C11orf54: variants seen among roughly 807,000 people sequenced by gnomAD.
C11orf54 encodes beta-keto-L-gulonate decarboxylase, also known as beta-keto L-gulonate decarboxylase.
In C11orf54, 29 loss-of-function variants were observed where a neutral mutation model predicts 35.5. The observed-to-expected ratio is 0.82, with a 90% CI of 0.61 to 1.11. The LOEUF (loss-of-function observed/expected upper bound fraction) is 1.11, where lower values mean the gene tolerates loss of function less well. Ranked by LOEUF, C11orf54 falls within the 50% of genes most tolerant of loss-of-function variation. The probability of loss-of-function intolerance (pLI) is 0.00; values close to 1 mark genes in which losing one functional copy is unlikely to be tolerated. For missense variants in C11orf54, 373 were observed against 369.2 expected (o/e 1.01, Z -0.08); for synonymous variants, 108 against 121.1 (o/e 0.89, Z 0.71).
At chr11:93,757,637 C>G (rs942169063) in intron 7 of C11orf54, among the ~76,000 whole-genome samples, 172 bp downstream of exon 7, 6 of 151,946 alleles carry the variant, frequency 3.9e-5, no homozygotes, top group African/African-American at 1.2e-4. Flanking sequence ...TCAAGGGGTT[C>G]TCCTGCCTCA....
At chr11:93,758,156 G>A (rs1943251508) in intron 7 of C11orf54, among the ~76,000 whole-genome samples, 1 of 152,182 alleles carries the variant, frequency 6.6e-6, no homozygotes, top group South Asian at 2.1e-4. Flanking sequence ...AGGCTCTCTG[G>A]AGCGGCTGCA....
At chr11:93,743,176 C>G (rs1190731108) in intron 1 of C11orf54, among the ~76,000 whole-genome samples, 1 of 151,750 alleles carries the variant, frequency 6.6e-6, no homozygotes, top group Non-Finnish European at 1.5e-5. Flanking sequence ...AATTTTTGTA[C>G]TTTTAGTAGA....
chr11:93,747,305 C>A lies in C11orf54; in HGVS notation c.-89C>A. The A allele has an allele frequency of 2.1e-6, 2 of 954,442 alleles. No individual in the cohort carries two copies. The highest frequency in any genetic ancestry group is 3.1e-6 in the Non-Finnish European group (2 of 648,966). 59.1% of individuals were successfully genotyped at this position (954,442 alleles called of 1,614,324 possible). On this transcript the variant is annotated 5_prime_UTR_variant, in exon 2 of 9. The change creates a new upstream start codon in the 5' untranslated region. Coordinates refer to ENST00000354421, the MANE Select transcript of C11orf54 (RefSeq NM_001286069.2). ...TCAATGTTCATTTCCAGAACAGAAACTGTTCATACTTGGTGCGCTGTGGAC... is the reference window on the plus strand; with the variant it reads ...TCAATGTTCATTTCCAGAACAGAAAATGTTCATACTTGGTGCGCTGTGGAC...
chr11:93,755,393 G>A lies in C11orf54; in HGVS notation c.507+7G>A, dbSNP rs367758301. The A allele has an allele frequency of 1.2e-6, 2 of 1,612,030 alleles. No individual in the cohort carries two copies. The highest frequency in any genetic ancestry group is 1.7e-6 in the Non-Finnish European group (2 of 1,178,384). ...TGAAGGCCAACCTGGCAAGGTGATT[G>A]TGTCCATAAAAATACAATATTCCCT... is the stretch of plus-strand genomic sequence containing the variant. On this transcript the variant is annotated splice_region_variant and intron_variant, in intron 6 of 8. Coordinates refer to ENST00000354421, the MANE Select transcript of C11orf54 (RefSeq NM_001286069.2).
At chr11:93,750,546 A>G in intron 3 of C11orf54, 102 bp downstream of exon 3, 1 of 922,272 alleles carries the variant, frequency 1.1e-6, no homozygotes, top group Non-Finnish European at 1.7e-6. Flanking sequence ...AATAAAGGAT[A>G]TTGTCACAAC....
At chr11:93,760,743 C>T (rs1053454556) in intron 8 of C11orf54, among the ~76,000 whole-genome samples, 1 of 152,092 alleles carries the variant, frequency 6.6e-6, no homozygotes, top group Non-Finnish European at 1.5e-5. Context: ...ACTGCAACCT[C>T]CGCCTCTTGG....
intron 1 of C11orf54, among the ~76,000 whole-genome samples, chr11:93,744,612 G>T (rs1211152461): frequency 6.6e-6 from 1 of 152,200 alleles, no homozygotes; most frequent in Non-Finnish European, 1.5e-5. Context: ...TTATTTGTAT[G>T]TAATATTTGT....
At chr11:93,743,216 G>A (rs939003722) in intron 1 of C11orf54, among the ~76,000 whole-genome samples, 2 of 152,106 alleles carry the variant, frequency 1.3e-5, no homozygotes, top group African/African-American at 4.8e-5. Flanking sequence ...GGCCAGGCAG[G>A]TCTCGAACTC....
chr11:93,742,181 C>G (rs950949899), intron 1 of C11orf54: 2 of 152,912 alleles, frequency 1.3e-5, no homozygotes, highest in Non-Finnish European at 2.9e-5. Context: ...AAGTTTCCTC[C>G]TACATCCCCC....
intron 8 of C11orf54, 71 bp downstream of exon 8, chr11:93,759,929 C>T: frequency 1.1e-6 from 1 of 941,416 alleles, no homozygotes; most frequent in Non-Finnish European, 1.6e-6. Flanking sequence ...TCTTTAAGAA[C>T]TAGGCACTTT....
rs550272452 is a variant in C11orf54, at chr11:93,761,725, G to A, written c.*37G>A. The stretch of plus-strand genomic sequence containing the variant: ...CTTATTTAGAAAAAGAAATAATTAA[G>A]GTTAATTAATTGATTGACTTATTAA... On this transcript the variant is annotated 3_prime_UTR_variant, in exon 9 of 9. Coordinates refer to ENST00000354421, the MANE Select transcript of C11orf54 (RefSeq NM_001286069.2). 5.4e-5 allele frequency: 81 copies of A among 1,511,942 alleles called. 1 individual carries two copies. In the South Asian group the frequency reaches 9.1e-4, roughly 17 times the overall value. 93.7% of individuals were successfully genotyped at this position (1,511,942 alleles called of 1,614,324 possible). A position where few individuals can be genotyped will look rare whatever the true frequency, so the allele number is the denominator to read the frequency against.
chr11:93,749,517 A>AAC (rs1355231734), intron 2 of C11orf54, among the ~76,000 whole-genome samples: 1 of 151,252 alleles, frequency 6.6e-6, no homozygotes. Flanking sequence ...AAAAAAAAAA[A>AAC]AAAAAAAAAA....
intron 6 of C11orf54, among the ~76,000 whole-genome samples, chr11:93,756,524 A>T (rs2135653482): frequency 6.6e-6 from 1 of 151,714 alleles, no homozygotes; most frequent in Middle Eastern, 3.4e-3. Context: ...AGTAAGCAAG[A>T]CCTTTTTCTG....
Position 93,753,062 on chromosome 11 carries a change from C to T in C11orf54, c.155-620C>T, listed in dbSNP as rs575761146. ...GTAGCACAATCTTGGCTCACTGCAA[C>T]CTCTGCCCCCGCCGGGTTCAAGCAA... is the stretch of plus-strand genomic sequence containing the variant. On this transcript the variant is annotated intron_variant, in intron 3 of 8. Transcript: ENST00000354421. Among the ~76,000 whole-genome samples, 869 of 152,230 alleles carry T rather than the reference C, an allele frequency of 5.7e-3. 9 individuals are homozygous for T. The highest frequency in any genetic ancestry group is 0.02 in the African/African-American group (850 of 41,542).
In C11orf54 at chr11:93,748,874, G is replaced by A. The variant is rs186634155; in HGVS notation, c.55+1426G>A. On this transcript the variant is annotated intron_variant, in intron 2 of 8. Coordinates refer to ENST00000354421, the MANE Select transcript of C11orf54 (RefSeq NM_001286069.2). ...AGAAAGAAAGAAATTGGCAAGGTGC[G>A]GTGGCTCATGCCTGTAATCCCGGCA... Among the ~76,000 whole-genome samples, 1,413 of 149,898 alleles carry A rather than the reference G, an allele frequency of 9.4e-3. 9 individuals are homozygous for A. The highest frequency in any genetic ancestry group is 0.015 in the Non-Finnish European group (1,015 of 67,592).
rs1248137628 is a variant in C11orf54 at position 93,751,428 on chromosome 11, C to CAA, written c.154+985_154+986insAA. On this transcript the variant is annotated intron_variant, in intron 3 of 8. Coordinates refer to ENST00000354421, the MANE Select transcript of C11orf54 (RefSeq NM_001286069.2). ...TTTTTTTTTTTTTTTTTTTTTGAGA[C>CAA]AGAGTCTCACTCTGTCACCAGGCTG... Among the ~76,000 whole-genome samples the CAA allele has an allele frequency of 4.8e-5, 5 of 104,186 alleles. No homozygotes were observed. In the East Asian group the frequency reaches 1.2e-3, roughly 25 times the overall value. 68.4% of individuals were successfully genotyped at this position (104,186 alleles called of 152,430 possible).
In C11orf54 at chr11:93,760,979, G is replaced by A. The variant is rs534425845; in HGVS notation, c.775-536G>A. ...TACCCTGGTCATATCTTGATCCAGT[G>A]ATTACATGCCTAGGATATTATACTT... is the stretch of plus-strand genomic sequence containing the variant. On this transcript the variant is annotated intron_variant, in intron 8 of 8. Transcript: ENST00000354421. 1.7e-4 allele frequency among the ~76,000 whole-genome samples: 26 copies of A among 152,274 alleles called. No homozygotes were observed. The East Asian group carries it at 4.8e-3, about 28-fold the overall frequency.
chr11:93,754,662 G>A (rs1392089126), intron 5 of C11orf54, among the ~76,000 whole-genome samples: 1 of 146,036 alleles, frequency 6.8e-6, no homozygotes, highest in Non-Finnish European at 1.5e-5. Flanking sequence ...AGGAAAAAAA[G>A]TTAAAAATTT....
chr11:93,759,944 TTTG>T (rs932542987), intron 8 of C11orf54, 86 bp downstream of exon 8: 427 of 807,770 alleles, frequency 5.3e-4, no homozygotes, highest in South Asian at 1.1e-3. Flanking sequence ...CACTTTTGTG[TTTG>T]TTGTTGTTGT....
Sources: allele counts gnomAD v4.1 joint callset (sites outside exome capture counted in the v4.1 genomes callset), GRCh38; gene constraint gnomAD v4.1.1; transcripts MANE v1.5; gene names NCBI Gene and HGNC (gene_info 2026-07-23, HGNC 2026-07-21).